The following MAGI1 variants were observed in gnomAD, a reference collection of about 807,000 sequenced individuals.
MAGI1 encodes membrane-associated guanylate kinase, WW and PDZ domain-containing protein 1.
In MAGI1, 58 loss-of-function variants were observed where a neutral mutation model predicts 139.9. The ratio of observed to expected loss-of-function variants is 0.41; its 90% CI spans 0.34 to 0.52. The LOEUF (loss-of-function observed/expected upper bound fraction) is 0.52. MAGI1 is among the 20% of genes least tolerant of loss of function. The pLI, the probability that MAGI1 is intolerant of heterozygous loss-of-function variation, is 0.12. For missense variants in MAGI1, 1,874 were observed against 1,901.6 expected, an observed-to-expected ratio of 0.99 and a Z score of 0.27; for synonymous variants, 812 against 737.9, an observed-to-expected ratio of 1.10 and a Z score of -1.63.
At chr3:65,723,831 A>G (rs1383054713) in intron 1 of MAGI1, among the ~76,000 whole-genome samples, 1 of 152,230 alleles carries the variant, frequency 6.6e-6, no homozygotes, top group Non-Finnish European at 1.5e-5. Context: ...TTAATTATAT[A>G]GGAGGGTCTC....
intron 1 of MAGI1, among the ~76,000 whole-genome samples, chr3:65,696,088 T>A (rs1359070148): frequency 6.6e-6 from 1 of 152,214 alleles, no homozygotes. Flanking sequence ...GGGTTCCAGC[T>A]TCACTGGCGT....
At chr3:65,388,837 T>TG (rs1943663138) in intron 14 of MAGI1, among the ~76,000 whole-genome samples, 1 of 119,326 alleles carries the variant, frequency 8.4e-6, no homozygotes, top group African/African-American at 3.1e-5. Context: ...ATTCCGAATT[T>TG]TTTTTTTTTT....
At chr3:65,733,350 G>A (rs900376205) in intron 1 of MAGI1, among the ~76,000 whole-genome samples, 13 of 152,252 alleles carry the variant, frequency 8.5e-5, no homozygotes, top group East Asian at 1.9e-4. Context: ...GTGAGCCACC[G>A]TGCCCAGCTG....
chr3:65,783,837 T>A (rs72908294), intron 1 of MAGI1, among the ~76,000 whole-genome samples: 6,085 of 143,676 alleles, frequency 0.042, 439 homozygotes, highest in African/African-American at 0.14. Flanking sequence ...TTAAAAAAAG[T>A]GCAGGCCAGG....
rs115559960 is a variant in MAGI1 at position 65,428,752 on chromosome 3, T to C, written c.2167+768A>G. Among the ~76,000 whole-genome samples the C allele has an allele frequency of 3.6e-3, 555 of 152,254 alleles. 1 individual carries two copies. Among genetic ancestry groups the C allele is most frequent in the African/African-American group, 0.013 (534 of 41,570 alleles). ...ATAAATAAAAGCATGAAATAACGTC[T>C]TGTGCTAAAAAGGTGATGATGATCA... On this transcript the variant is annotated intron_variant, in intron 12 of 22. Transcript: ENST00000402939.
chr3:65,705,144 C>G (rs1307913051), intron 1 of MAGI1, among the ~76,000 whole-genome samples: 1 of 151,744 alleles, frequency 6.6e-6, no homozygotes. Context: ...TTAAGTCAAA[C>G]TAAGTTCTTA....
intron 2 of MAGI1, among the ~76,000 whole-genome samples, chr3:65,586,136 G>A (rs1442866509): frequency 6.6e-6 from 1 of 151,998 alleles, no homozygotes; most frequent in Non-Finnish European, 1.5e-5. Flanking sequence ...CTTGAGCCCA[G>A]GAGGTTTAGG....
chr3:66,008,830 G>A (rs1011871093), intron 1 of MAGI1: 1 of 152,436 alleles, frequency 6.6e-6, no homozygotes, highest in African/African-American at 2.4e-5. Flanking sequence ...GCAGGGGCCA[G>A]ACCATGAGGG....
At chr3:65,748,066 A>C (rs1053928476) in intron 1 of MAGI1, among the ~76,000 whole-genome samples, 1 of 152,212 alleles carries the variant, frequency 6.6e-6, no homozygotes, top group African/African-American at 2.4e-5. Context: ...CCTCTCTCCG[A>C]AACTGATGAT....
At chr3:65,982,477 C>T (rs556557945) in intron 1 of MAGI1, among the ~76,000 whole-genome samples, 18 of 152,274 alleles carry the variant, frequency 1.2e-4, no homozygotes, top group African/African-American at 4.3e-4. Flanking sequence ...TGGGCAACTT[C>T]CATGGTGCAT....
At chr3:66,021,908 G>A (rs1224142683) in intron 1 of MAGI1, among the ~76,000 whole-genome samples, 1 of 152,170 alleles carries the variant, frequency 6.6e-6, no homozygotes, top group African/African-American at 2.4e-5. Flanking sequence ...GTGGGGTACT[G>A]TGTTCAAAGT....
intron 2 of MAGI1, among the ~76,000 whole-genome samples, chr3:65,547,912 G>C (rs1380354997): frequency 6.6e-6 from 1 of 152,070 alleles, no homozygotes; most frequent in African/African-American, 2.4e-5. Context: ...TGAGAAAAAA[G>C]GTCAACTATG....
intron 1 of MAGI1, among the ~76,000 whole-genome samples, chr3:65,955,968 T>C (rs1011745770): frequency 1.4e-4 from 22 of 152,122 alleles, no homozygotes; most frequent in African/African-American, 4.6e-4. Context: ...ACTGCCCATG[T>C]ATGAAATATA....
Position 65,523,760 on chromosome 3 carries a change from G to A in MAGI1, c.431-30129C>T, listed in dbSNP as rs144415833. ...TTTTCTCTCAGTCCTGGAAATAACT[G>A]GAAATAGTGGTTAGAAGTGAAACAC... On this transcript the variant is annotated intron_variant, in intron 2 of 22. Coordinates refer to ENST00000402939, the MANE Select transcript of MAGI1 (RefSeq NM_001033057.2). 3.9e-5 allele frequency among the ~76,000 whole-genome samples: 6 copies of A among 152,234 alleles called. No homozygotes were observed. In the East Asian group the frequency reaches 1.2e-3, roughly 29 times the overall value.
chr3:65,868,201 G>A (rs150776111), intron 1 of MAGI1, among the ~76,000 whole-genome samples: 1 of 152,254 alleles, frequency 6.6e-6, no homozygotes, highest in East Asian at 1.9e-4. Flanking sequence ...TGCCAGTGAG[G>A]TTTACCTTGA....
At position 65,747,665 on chromosome 3, in the gene MAGI1, T is replaced by C. The variant is rs563320843; in HGVS notation, c.314-125577A>G. Reference sequence around the variant, plus strand: ...ACTTCAGTTAAGTGATGTGTTGATATAGATTCATCAATGGTAACAAATGTC... The same window carrying C: ...ACTTCAGTTAAGTGATGTGTTGATACAGATTCATCAATGGTAACAAATGTC... On this transcript the variant is annotated intron_variant, in intron 1 of 22. Coordinates refer to ENST00000402939, the MANE Select transcript of MAGI1 (RefSeq NM_001033057.2). Among the ~76,000 whole-genome samples the C allele has an allele frequency of 2.6e-5, 4 of 152,278 alleles. No individual in the cohort carries two copies. In the East Asian group the frequency reaches 5.8e-4, roughly 22 times the overall value.
intron 1 of MAGI1, among the ~76,000 whole-genome samples, chr3:65,635,385 TAC>T (rs2084553023): frequency 6.6e-6 from 1 of 152,158 alleles, no homozygotes; most frequent in Admixed American, 6.5e-5. Flanking sequence ...TAAAAGCAGT[TAC>T]AGTCATAAGG....
chr3:65,376,232 G>C (rs1942510967), intron 17 of MAGI1, among the ~76,000 whole-genome samples: 1 of 152,122 alleles, frequency 6.6e-6, no homozygotes, highest in Non-Finnish European at 1.5e-5. Context: ...TACAAAATTT[G>C]GGATAGTTGG....
At chr3:65,458,115 G>A (rs1057400773) in intron 5 of MAGI1, among the ~76,000 whole-genome samples, 3 of 152,010 alleles carry the variant, frequency 2.0e-5, no homozygotes, top group South Asian at 2.1e-4. Context: ...AAAGGTTGTC[G>A]CAAATGACTA....
Sources: allele counts gnomAD v4.1 joint callset (sites outside exome capture counted in the v4.1 genomes callset), GRCh38; gene constraint gnomAD v4.1.1; transcripts MANE v1.5; gene names NCBI Gene and HGNC (gene_info 2026-07-23, HGNC 2026-07-21).